The following MAD1L1 variants were observed in gnomAD, a reference collection of about 807,000 sequenced individuals.
MAD1L1 encodes the protein mitotic arrest deficient 1 like 1, also known as mitotic spindle assembly checkpoint protein MAD1.
In MAD1L1, 95 loss-of-function variants were observed where a neutral mutation model predicts 96.9. That is an observed-to-expected ratio of 0.98 (90% confidence interval 0.83 to 1.16). MAD1L1 has a LOEUF of 1.16. Among genes scored for constraint, MAD1L1 ranks in the 50% most tolerant of loss-of-function variants. The pLI is 0.00. For missense variants in MAD1L1, 1,007 were observed against 954.4 expected, an observed-to-expected ratio of 1.06 and a Z score of -0.73; for synonymous variants, 473 against 396.6, an observed-to-expected ratio of 1.19 and a Z score of -2.29.
At chr7:1,862,769 G>GAA (rs557420695) in intron 18 of MAD1L1, among the ~76,000 whole-genome samples, 1 of 151,782 alleles carries the variant, frequency 6.6e-6, no homozygotes, top group East Asian at 1.9e-4. Context: ...GCTGTAAAAT[G>GAA]AAAAAAAACA....
chr7:1,885,071 G>C (rs146621240), intron 18 of MAD1L1, among the ~76,000 whole-genome samples: 10 of 152,232 alleles, frequency 6.6e-5, no homozygotes, highest in Non-Finnish European at 1.0e-4. Context: ...TAAGTACTTA[G>C]TCATCACCAC....
chr7:2,165,451 G>C (rs1432389982), intron 10 of MAD1L1, among the ~76,000 whole-genome samples: 1 of 152,070 alleles, frequency 6.6e-6, no homozygotes, highest in Non-Finnish European at 1.5e-5. Flanking sequence ...CCGTCAGCAT[G>C]AACCCACGGT....
At chr7:2,043,317 A>G (rs570228156) in intron 12 of MAD1L1, among the ~76,000 whole-genome samples, 27 of 152,310 alleles carry the variant, frequency 1.8e-4, no homozygotes, top group Non-Finnish European at 3.4e-4. Context: ...CTGACAGCGC[A>G]GTGCAGTGCG....
chr7:1,875,995 G>A (rs1458184876), intron 18 of MAD1L1, among the ~76,000 whole-genome samples: 1 of 152,218 alleles, frequency 6.6e-6, no homozygotes, highest in Admixed American at 6.5e-5. Flanking sequence ...CTCCCCAGGG[G>A]CCAACTCCGG....
At chr7:1,917,353 G>A (rs1287031511) in intron 17 of MAD1L1, among the ~76,000 whole-genome samples, 3 of 152,204 alleles carry the variant, frequency 2.0e-5, no homozygotes, top group African/African-American at 7.2e-5. Flanking sequence ...GGGGCATGAG[G>A]GGCCACACCC....
chr7:2,177,020 C>T (rs1314065961), intron 10 of MAD1L1, among the ~76,000 whole-genome samples: 3 of 152,192 alleles, frequency 2.0e-5, no homozygotes, highest in Non-Finnish European at 2.9e-5. Context: ...TATTAAAAGA[C>T]GTATTTCAGA....
rs1794291934 is a variant in MAD1L1, at chr7:2,232,907, G to C, written c.-225C>G. On this transcript the variant is annotated 5_prime_UTR_variant, in exon 1 of 19. Transcript: ENST00000265854. ...CGCAGCCAGCTTGCCGCCGCCGCTC[G>C]GATCTCCCTCCGCTCCGCCGGCGCC... is the stretch of plus-strand genomic sequence containing the variant. The C allele has an allele frequency of 6.6e-6, 1 of 152,262 alleles. No homozygotes were observed. Among genetic ancestry groups the C allele is most frequent in the Non-Finnish European group, 1.5e-5 (1 of 68,094 alleles). The allele number at this position is 152,262 out of a possible 1,614,324, so 9.4% of individuals were successfully genotyped here.
Position 1,982,836 on chromosome 7 carries a change from T to C in MAD1L1, c.1417-2295A>G, listed in dbSNP as rs115785266. On this transcript the variant is annotated intron_variant, in intron 14 of 18. Coordinates refer to ENST00000265854, the MANE Select transcript of MAD1L1 (RefSeq NM_001013836.2). ...CTTATTTACAGCACATGACCTTTTT[T>C]TTCAAATAGGTATTTTCTATCACAG... Among the ~76,000 whole-genome samples, 450 of 152,342 alleles carry C rather than the reference T, an allele frequency of 3.0e-3. 1 individual carries two copies. Among genetic ancestry groups the C allele is most frequent in the African/African-American group, 0.01 (428 of 41,588 alleles).
At chr7:1,902,071 C>T (rs998783396) in intron 17 of MAD1L1, among the ~76,000 whole-genome samples, 5 of 152,174 alleles carry the variant, frequency 3.3e-5, no homozygotes, top group African/African-American at 4.8e-5. Flanking sequence ...GATGCAGCGG[C>T]GGCTGCCCAG....
intron 11 of MAD1L1, among the ~76,000 whole-genome samples, chr7:2,083,658 A>G (rs988432008): frequency 6.6e-6 from 1 of 152,240 alleles, no homozygotes; most frequent in African/African-American, 2.4e-5. Context: ...ACGGCATCGG[A>G]CGCTAGGAAG....
At chr7:1,966,560 C>CAAAAAAAAAAAAAAAAA (rs199627043) in intron 15 of MAD1L1, among the ~76,000 whole-genome samples, 1 of 9,290 alleles carries the variant, frequency 1.1e-4, no homozygotes, top group African/African-American at 2.4e-4. Context: ...CCAAACTTGG[C>CAAAAAAAAAAAAAAAAA]AAAAAAAAAA....
chr7:2,014,575 G>A lies in MAD1L1; in HGVS notation c.1286C>T (p.Pro429Leu), dbSNP rs1344609127. 4 of 1,612,242 alleles carry A rather than the reference G, an allele frequency of 2.5e-6. No individual in the cohort carries two copies. The highest frequency in any genetic ancestry group is 3.4e-6 in the Non-Finnish European group (4 of 1,179,824). The part of the protein sequence containing the change: ...DSELTPAEYS[P>L]QLTRRMREAE... ...CTCCCGCATGCGCCGCGTCAGCTGG[G>A]GTGAGTACTCGGCCGGGGTCAGCTC... The change falls in exon 13 of 19, where the codon CCC becomes CTC. Residue 429 changes from proline to leucine, a missense_variant. Transcript: ENST00000265854.
intron 18 of MAD1L1, among the ~76,000 whole-genome samples, chr7:1,857,035 G>C (rs114031853): frequency 6.6e-6 from 1 of 152,178 alleles, no homozygotes; most frequent in Non-Finnish European, 1.5e-5. Flanking sequence ...AGCAGCACTC[G>C]GGTGAGGACG....
In MAD1L1 at chr7:2,087,408, C is replaced by T. The variant is rs1034343273; in HGVS notation, c.1074-18070G>A. 3.3e-5 allele frequency among the ~76,000 whole-genome samples: 5 copies of T among 152,128 alleles called. No individual in the cohort carries two copies. In the East Asian group the frequency reaches 5.8e-4, roughly 18 times the overall value. On this transcript the variant is annotated intron_variant, in intron 11 of 18. Transcript: ENST00000265854. The stretch of plus-strand genomic sequence containing the variant: ...TACAAAAATTAGCCAGGCCTGGTGG[C>T]GCGCGCCTGTAATCTCAGCTACTCA...
At chr7:1,859,817 G>A (rs1489561721) in intron 18 of MAD1L1, among the ~76,000 whole-genome samples, 1 of 151,760 alleles carries the variant, frequency 6.6e-6, no homozygotes, top group Non-Finnish European at 1.5e-5. Context: ...ATCCAGCGGG[G>A]TGGCCTCTGT....
intron 11 of MAD1L1, among the ~76,000 whole-genome samples, chr7:2,081,202 G>A (rs1785627347): frequency 6.6e-6 from 1 of 152,142 alleles, no homozygotes; most frequent in Non-Finnish European, 1.5e-5. Context: ...GGGCCGGGGT[G>A]GGGAGGTGGG....
intron 15 of MAD1L1, among the ~76,000 whole-genome samples, chr7:1,978,624 TCA>T (rs1290432965): frequency 1.4e-5 from 2 of 147,086 alleles, no homozygotes; most frequent in East Asian, 4.0e-4. Context: ...ACACCCACAC[TCA>T]CACACAGCCC....
intron 10 of MAD1L1, among the ~76,000 whole-genome samples, chr7:2,205,581 C>T (rs1432812582): frequency 6.6e-6 from 1 of 152,124 alleles, no homozygotes; most frequent in Non-Finnish European, 1.5e-5. Context: ...GCCAAAACAC[C>T]CTCAAGCCCT....
intron 12 of MAD1L1, among the ~76,000 whole-genome samples, chr7:2,045,800 C>T (rs1035023168): frequency 6.6e-6 from 1 of 152,170 alleles, no homozygotes. Flanking sequence ...CTCAGCCAGA[C>T]AGCACTTCAG....
Sources: allele counts gnomAD v4.1 joint callset (sites outside exome capture counted in the v4.1 genomes callset), GRCh38; gene constraint gnomAD v4.1.1; transcripts MANE v1.5; gene names NCBI Gene and HGNC (gene_info 2026-07-23, HGNC 2026-07-21).